The following EYS variants were observed in gnomAD, a reference collection of about 807,000 sequenced individuals.
EYS encodes the protein protein eyes shut homolog.
A neutral mutation model predicts 282.1 loss-of-function variants in EYS; 250 were observed. The ratio of observed to expected loss-of-function variants is 0.89; its 90% CI spans 0.80 to 0.98. The LOEUF (loss-of-function observed/expected upper bound fraction) is 0.98. EYS is among the 50% of genes least tolerant of loss of function. The pLI, the probability that EYS is intolerant of heterozygous loss-of-function variation, is 0.00. For synonymous variants in EYS, 1,355 were observed against 1,282.9 expected (o/e 1.06, Z -1.20); for missense variants, 4,016 against 3,709.0 (o/e 1.08, Z -2.15).
intron 22 of EYS, among the ~76,000 whole-genome samples, chr6:64,706,096 C>T (rs937316767): frequency 6.6e-5 from 10 of 150,512 alleles, no homozygotes; most frequent in African/African-American, 9.8e-5. Flanking sequence ...GTCACCAAAA[C>T]GGCATGATAC....
intron 8 of EYS, among the ~76,000 whole-genome samples, chr6:65,377,443 C>A (rs1452275969): frequency 6.6e-6 from 1 of 151,844 alleles, no homozygotes; most frequent in Non-Finnish European, 1.5e-5. Context: ...AAATTGACAC[C>A]CTAACATCAC....
chr6:63,762,893 T>C (rs1769683525), intron 40 of EYS, among the ~76,000 whole-genome samples: 1 of 151,998 alleles, frequency 6.6e-6, no homozygotes, highest in Non-Finnish European at 1.5e-5. Flanking sequence ...TCAGACAAAA[T>C]TGCATTGTAA....
intron 26 of EYS, among the ~76,000 whole-genome samples, chr6:64,489,328 AACACTAGTCTCTAGTGGTCAG>A (rs1328568320): frequency 1.4e-4 from 21 of 150,686 alleles, no homozygotes; most frequent in African/African-American, 5.1e-4. Flanking sequence ...AAATTTGTAA[AACACTAGTCTCTAGTGGTCAG>A]ACAATTGAGC....
intron 14 of EYS, among the ~76,000 whole-genome samples, chr6:64,972,099 AATTAGCAGAAGACCACC>A (rs1234457408): frequency 6.6e-6 from 1 of 152,156 alleles, no homozygotes; most frequent in African/African-American, 2.4e-5. Flanking sequence ...ACACCAAACA[AATTAGCAGAAGACCACC>A]TGATGATGAT....
chr6:63,750,374 A>C (rs1769314023), intron 41 of EYS, among the ~76,000 whole-genome samples: 1 of 152,152 alleles, frequency 6.6e-6, no homozygotes, highest in Non-Finnish European at 1.5e-5. Flanking sequence ...CCTCTATCCC[A>C]GTTTTTATAT....
intron 12 of EYS, among the ~76,000 whole-genome samples, chr6:65,063,744 T>C (rs1773648715): frequency 1.3e-5 from 2 of 152,060 alleles, no homozygotes; most frequent in South Asian, 2.1e-4. Context: ...AATTTTTTTC[T>C]TCCCAAAAAT....
intron 29 of EYS, among the ~76,000 whole-genome samples, chr6:64,355,637 T>C (rs975415637): frequency 6.6e-5 from 10 of 151,728 alleles, no homozygotes; most frequent in Non-Finnish European, 1.3e-4. Flanking sequence ...TCCTGAGCAG[T>C]TTATTTCCTG....
intron 35 of EYS, among the ~76,000 whole-genome samples, chr6:63,933,161 G>C (rs1173121812): frequency 6.6e-6 from 1 of 152,226 alleles, no homozygotes; most frequent in Non-Finnish European, 1.5e-5. Flanking sequence ...ACCTACACAA[G>C]TGAGCTCAAT....
chr6:65,519,703 TATA>T (rs1209732044), intron 2 of EYS, among the ~76,000 whole-genome samples: 14 of 49,888 alleles, frequency 2.8e-4, no homozygotes, highest in African/African-American at 1.5e-3. Context: ...TATATATATA[TATA>T]TATTTTTTTT....
intron 26 of EYS, among the ~76,000 whole-genome samples, chr6:64,449,330 A>T (rs1171997492): frequency 3.3e-5 from 5 of 152,106 alleles, no homozygotes; most frequent in African/African-American, 1.2e-4. Flanking sequence ...GAAATGAACA[A>T]AGCCTCCAAG....
At chr6:64,323,233 TATTAC>T (rs780454013) in intron 29 of EYS, among the ~76,000 whole-genome samples, 15 of 78,716 alleles carry the variant, frequency 1.9e-4, no homozygotes, top group Non-Finnish European at 3.9e-4. Flanking sequence ...GAATTACTAA[TATTAC>T]ATTCTATCCT....
chr6:65,496,157 T>G (rs933697858), intron 2 of EYS, among the ~76,000 whole-genome samples, 164 bp from the exon 3 acceptor site: 11 of 152,064 alleles, frequency 7.2e-5, no homozygotes, highest in Non-Finnish European at 1.5e-4. Flanking sequence ...TGCAAATGAC[T>G]AACCTAGAAT....
chr6:64,832,593 T>C (rs1472982913), intron 19 of EYS, among the ~76,000 whole-genome samples: 1 of 151,898 alleles, frequency 6.6e-6, no homozygotes, highest in Non-Finnish European at 1.5e-5. Context: ...ATGTTAAATA[T>C]TCTTACCACA....
intron 2 of EYS, among the ~76,000 whole-genome samples, chr6:65,626,939 A>G (rs1336284175): frequency 4.0e-5 from 6 of 150,662 alleles, no homozygotes; most frequent in Non-Finnish European, 1.5e-5. Context: ...CTGTCTTGTT[A>G]AAAACCAATA....
chr6:64,436,126 G>T, intron 28 of EYS, 48 bp downstream of exon 28: 1 of 1,133,150 alleles, frequency 8.8e-7, no homozygotes, highest in African/African-American at 1.6e-5. Flanking sequence ...GTTAGGGATA[G>T]CCTTTGCTAC....
chr6:64,681,552 A>G (rs1302128008), intron 22 of EYS, among the ~76,000 whole-genome samples: 6 of 152,282 alleles, frequency 3.9e-5, no homozygotes, highest in African/African-American at 1.4e-4. Context: ...TCCCTCGTCC[A>G]CTAGGAATGT....
intron 5 of EYS, among the ~76,000 whole-genome samples, chr6:65,432,953 C>G (rs1313754940): frequency 6.6e-6 from 1 of 151,790 alleles, no homozygotes; most frequent in Non-Finnish European, 1.5e-5. Flanking sequence ...TTAACCTTGG[C>G]CAACTGGGAA....
At chr6:64,798,914 C>T (rs189021207) in intron 22 of EYS, among the ~76,000 whole-genome samples, 28 of 152,040 alleles carry the variant, frequency 1.8e-4, no homozygotes, top group East Asian at 9.6e-4. Context: ...GGATCCTACC[C>T]TGTCTTCTCC....
At chr6:64,886,090 A>G (rs544634315) in intron 19 of EYS, among the ~76,000 whole-genome samples, 1 of 151,914 alleles carries the variant, frequency 6.6e-6, no homozygotes, top group Non-Finnish European at 1.5e-5. Context: ...TGTTAGTCCC[A>G]TATCATTAAT....
Sources: gnomAD v4.1 joint callset for allele counts (sites outside exome capture counted in the v4.1 genomes callset) on GRCh38, gnomAD v4.1.1 for gene constraint, MANE v1.5 for transcripts, NCBI Gene and HGNC (gene_info 2026-07-23, HGNC 2026-07-21) for gene names.